SUPT20H: variants seen among roughly 807,000 people sequenced by gnomAD.
The protein encoded by SUPT20H is SPT20 homolog, SAGA complex component, also known as transcription factor SPT20 homolog.
SUPT20H carries 82 observed loss-of-function variants against 122.8 expected under a neutral mutation model. The observed-to-expected ratio is 0.67, with a 90% CI of 0.56 to 0.80. The LOEUF is 0.80. Among genes scored for constraint, SUPT20H ranks in the 30% least tolerant of loss-of-function variants. The pLI, the probability that SUPT20H is intolerant of heterozygous loss-of-function variation, is 0.00. For missense variants in SUPT20H, 831 were observed against 921.6 expected, an observed-to-expected ratio of 0.90 and a Z score of 1.27; for synonymous variants, 291 against 313.0, an observed-to-expected ratio of 0.93 and a Z score of 0.74.
intron 10 of SUPT20H, 112 bp downstream of exon 10, chr13:37,033,337 C>A: frequency 1.5e-6 from 2 of 1,356,766 alleles, no homozygotes; most frequent in South Asian, 1.5e-5. Context: ...CTCATCTCTA[C>A]CCTTCCCCAC....
At chr13:37,033,323 A>T (rs749993892) in intron 10 of SUPT20H, 126 bp downstream of exon 10, 1 of 1,153,512 alleles carries the variant, frequency 8.7e-7, no homozygotes, top group Non-Finnish European at 1.2e-6. Flanking sequence ...CAACAAAGAG[A>T]GACCTCATCT....
intron 1 of SUPT20H, among the ~76,000 whole-genome samples, chr13:37,053,876 CTAAT>C (rs1250814930): frequency 1.3e-5 from 2 of 151,516 alleles, no homozygotes; most frequent in Non-Finnish European, 2.9e-5. Context: ...GCTAGCAAGA[CTAAT>C]AAAGAAGAAA....
intron 1 of SUPT20H, among the ~76,000 whole-genome samples, chr13:37,054,659 C>T (rs2068537864): frequency 6.6e-6 from 1 of 152,162 alleles, no homozygotes; most frequent in Non-Finnish European, 1.5e-5. Context: ...CAGCCAATAT[C>T]ATACTGAATG....
At chr13:37,027,193 A>C (rs1199033593) in intron 14 of SUPT20H, among the ~76,000 whole-genome samples, 1 of 152,046 alleles carries the variant, frequency 6.6e-6, no homozygotes, top group African/African-American at 2.4e-5. Flanking sequence ...TAGCATCATA[A>C]ATATACCCCT....
rs1371076436 is a variant in SUPT20H at position 37,028,148 on chromosome 13, T to C, written c.1151A>G (p.His384Arg). ...EESDSQMSPS[H>R]SSTDDHSNWF... ...GTTACTTGTATTTAACAGAACTCAC[T>C]GTGATGGAGACATCTGGCTGTCACT... The change falls in exon 14 of 26, where the codon CAC (histidine) becomes CGC (arginine). Residue 384 changes from histidine (H) to arginine (R), a missense_variant and splice_region_variant. By Grantham distance (29) the His-to-Arg change is conservative. Coordinates refer to ENST00000350612, the MANE Select transcript of SUPT20H (RefSeq NM_001014286.3). The C allele has an allele frequency of 6.3e-7, 1 of 1,591,030 alleles. No homozygotes were observed. The highest frequency in any genetic ancestry group is 8.5e-7 in the Non-Finnish European group (1 of 1,172,316).
At chr13:37,027,552 G>A (rs1056379028) in intron 14 of SUPT20H, among the ~76,000 whole-genome samples, 11 of 152,080 alleles carry the variant, frequency 7.2e-5, no homozygotes, top group Admixed American at 7.2e-4. Flanking sequence ...ATCCTTTTCT[G>A]CTGAGCTTCT....
intron 9 of SUPT20H, chr13:37,039,512 G>C (rs1271783757): frequency 1.3e-5 from 2 of 152,156 alleles, no homozygotes; most frequent in Non-Finnish European, 2.9e-5. Flanking sequence ...CTTATTATGA[G>C]TGTTTTGAGA....
At position 37,022,590 on chromosome 13, in the gene SUPT20H, T is replaced by C; in HGVS notation, c.1592-510A>G. ...GTTATATTCTACCACAATACCCATT[T>C]AAAAGTTAGTTTCCTACATGCTGCC... On this transcript the variant is annotated intron_variant, in intron 19 of 25. Transcript: ENST00000350612. This position sits in a 1 kb window ranked among gnomAD's most constrained non-coding sequence, Gnocchi z 4.5. The C allele has an allele frequency of 8.8e-7, 1 of 1,135,186 alleles. No individual in the cohort carries two copies. The highest frequency in any genetic ancestry group is 1.6e-5 in the African/African-American group (1 of 62,308). The allele number at this position is 1,135,186 out of a possible 1,614,324, so 70.3% of individuals were successfully genotyped here.
intron 21 of SUPT20H, 129 bp from the exon 22 acceptor site, chr13:37,019,526 T>G (rs2061130193): frequency 1.9e-6 from 1 of 513,960 alleles, no homozygotes; most frequent in South Asian, 5.4e-5. Flanking sequence ...TTTTCCATAC[T>G]TCAAAAATAT....
At chr13:37,059,269 G>T (rs1029307203) in intron 1 of SUPT20H, 1 of 152,208 alleles carries the variant, frequency 6.6e-6, no homozygotes. Flanking sequence ...CGCCTTCGAA[G>T]ACACGCAAGG....
intron 5 of SUPT20H, among the ~76,000 whole-genome samples, chr13:37,045,614 C>T (rs970263988): frequency 1.3e-5 from 2 of 151,894 alleles, no homozygotes; most frequent in Non-Finnish European, 2.9e-5. Flanking sequence ...AATGGGTGAC[C>T]TATAACACAA....
chr13:37,027,586 T>C (rs1486211387), intron 14 of SUPT20H, among the ~76,000 whole-genome samples: 2 of 152,114 alleles, frequency 1.3e-5, no homozygotes, highest in Non-Finnish European at 2.9e-5. Flanking sequence ...AACAGAAAAC[T>C]TATTTTTCAA....
intron 23 of SUPT20H, among the ~76,000 whole-genome samples, chr13:37,014,671 T>A (rs1276225133): frequency 6.6e-6 from 1 of 152,110 alleles, no homozygotes; most frequent in Non-Finnish European, 1.5e-5. Context: ...GCACAGCATA[T>A]CAAAATTTGT....
intron 5 of SUPT20H, among the ~76,000 whole-genome samples, chr13:37,046,067 A>AT (rs1566315331): frequency 6.6e-6 from 1 of 152,070 alleles, no homozygotes; most frequent in African/African-American, 2.4e-5. Context: ...ATAACAGTAA[A>AT]TTTTTTTAGA....
At chr13:37,029,624 T>C in intron 13 of SUPT20H, 141 bp downstream of exon 13, 2 of 622,314 alleles carry the variant, frequency 3.2e-6, no homozygotes, top group Non-Finnish European at 5.5e-6. Flanking sequence ...TTTCTTCTTG[T>C]AATAAACTGA....
At chr13:37,035,546 A>T (rs553419269) in intron 9 of SUPT20H, among the ~76,000 whole-genome samples, 1 of 150,266 alleles carries the variant, frequency 6.7e-6, no homozygotes, top group African/African-American at 2.5e-5. Flanking sequence ...TTTGAGTCAG[A>T]GTCTCCCTCT....
intron 21 of SUPT20H, among the ~76,000 whole-genome samples, chr13:37,020,304 A>C (rs950746479): frequency 6.6e-6 from 1 of 152,172 alleles, no homozygotes; most frequent in Non-Finnish European, 1.5e-5. Context: ...CCTTTCTGGA[A>C]AAATTCTCAT....
Position 37,022,680 on chromosome 13 carries a change from A to G in SUPT20H, c.1592-600T>C. 5 of 1,000,264 alleles carry G rather than the reference A, an allele frequency of 5.0e-6. No homozygotes were observed. In the African/African-American group the frequency reaches 6.9e-5, roughly 14 times the overall value. The allele number at this position is 1,000,264 out of a possible 1,614,324, so 62.0% of individuals were successfully genotyped here. A position where few individuals can be genotyped will look rare whatever the true frequency, so the allele number is the denominator to read the frequency against. On this transcript the variant is annotated intron_variant, in intron 19 of 25. Coordinates refer to ENST00000350612, the MANE Select transcript of SUPT20H (RefSeq NM_001014286.3). The surrounding 1 kb of genome is among the most constrained non-coding windows in gnomAD (Gnocchi z 4.5). ...TTATTTACGATTTCACTAATTCAAGACTTCATTTAAAAATATTGCTTATTT... is the reference window on the plus strand; with the variant it reads ...TTATTTACGATTTCACTAATTCAAGGCTTCATTTAAAAATATTGCTTATTT...
chr13:37,049,189 T>A (rs538175570), intron 2 of SUPT20H, among the ~76,000 whole-genome samples: 2 of 151,968 alleles, frequency 1.3e-5, no homozygotes, highest in African/African-American at 2.4e-5. Context: ...CAGAAAAAAA[T>A]ATGCTATCAA....
Sources: allele counts gnomAD v4.1 joint callset (sites outside exome capture counted in the v4.1 genomes callset), GRCh38; gene constraint gnomAD v4.1.1; non-coding constraint Gnocchi (gnomAD v3.1); transcripts MANE v1.5; gene names NCBI Gene and HGNC (gene_info 2026-07-23, HGNC 2026-07-21).